LRMDA: variants seen among roughly 807,000 people sequenced by gnomAD.
LRMDA encodes the protein leucine-rich melanocyte differentiation-associated protein.
Under a neutral mutation model 29.8 loss-of-function variants are expected in LRMDA, and 18 were observed. That is an observed-to-expected ratio of 0.60 (90% confidence interval 0.42 to 0.90). The LOEUF (loss-of-function observed/expected upper bound fraction) is 0.90. Ranked by LOEUF, LRMDA falls within the 40% of genes least tolerant of loss-of-function variation. The probability of loss-of-function intolerance (pLI) is 0.00; values close to 1 mark genes in which losing one functional copy is unlikely to be tolerated. For synonymous variants in LRMDA, 125 were observed against 109.4 expected, an observed-to-expected ratio of 1.14 and a Z score of -0.89; for missense variants, 273 against 273.9, an observed-to-expected ratio of 1.00 and a Z score of 0.02.
intron 5 of LRMDA, among the ~76,000 whole-genome samples, chr10:76,261,335 G>C (rs1839940641): frequency 6.6e-6 from 1 of 151,920 alleles, no homozygotes; most frequent in South Asian, 2.1e-4. Flanking sequence ...GCCTCCCAAA[G>C]TGCTGGGATT....
chr10:76,322,997 A>C (rs1011463075), intron 5 of LRMDA, among the ~76,000 whole-genome samples: 3 of 152,048 alleles, frequency 2.0e-5, no homozygotes, highest in African/African-American at 2.4e-5. Flanking sequence ...TGGGCTCTAC[A>C]TTCTTGCAGT....
chr10:75,989,461 A>G (rs1847320835), intron 2 of LRMDA, among the ~76,000 whole-genome samples: 1 of 152,182 alleles, frequency 6.6e-6, no homozygotes, highest in Non-Finnish European at 1.5e-5. Context: ...ATTATCAACC[A>G]CAGCTCCAAA....
chr10:75,808,562 T>G (rs936701350), intron 2 of LRMDA, among the ~76,000 whole-genome samples: 1 of 152,162 alleles, frequency 6.6e-6, no homozygotes, highest in Non-Finnish European at 1.5e-5. Context: ...CAGGCTGGAG[T>G]GCAGTGGCGT....
At chr10:75,591,830 G>C in intron 2 of LRMDA, among the ~76,000 whole-genome samples, 1 of 152,182 alleles carries the variant, frequency 6.6e-6, no homozygotes, top group East Asian at 1.9e-4. Flanking sequence ...GAGTACAACA[G>C]AATCTTTGCT....
At chr10:76,535,581 T>C (rs139256449) in intron 6 of LRMDA, among the ~76,000 whole-genome samples, 1 of 152,246 alleles carries the variant, frequency 6.6e-6, no homozygotes, top group Non-Finnish European at 1.5e-5. Flanking sequence ...TAAAAGTTCA[T>C]ATGCCAAGAA....
rs181167378 is a variant in LRMDA at position 76,499,418 on chromosome 10, G to A, written c.602-57791G>A. ...GTTCATCATATTATAGCCCATGTCA[G>A]TACTTCAGTTCTTTTTAGAGATGAA... On this transcript the variant is annotated intron_variant, in intron 6 of 6. Coordinates refer to ENST00000611255, the MANE Select transcript of LRMDA (RefSeq NM_001305581.2). Among the ~76,000 whole-genome samples the A allele has an allele frequency of 4.0e-5, 3 of 75,570 alleles. 1 individual carries two copies. The East Asian group carries it at 7.5e-4, about 19-fold the overall frequency. The allele number at this position is 75,570 out of a possible 152,430, so 49.6% of individuals were successfully genotyped here. A position where few individuals can be genotyped will look rare whatever the true frequency, so the allele number is the denominator to read the frequency against.
At chr10:76,427,365 A>G (rs973351770) in intron 6 of LRMDA, among the ~76,000 whole-genome samples, 1 of 152,026 alleles carries the variant, frequency 6.6e-6, no homozygotes, top group African/African-American at 2.4e-5. Context: ...CTTTGAAGCA[A>G]TTGTGAATGG....
At chr10:75,683,883 G>A (rs548197738) in intron 2 of LRMDA, among the ~76,000 whole-genome samples, 163 of 152,332 alleles carry the variant, frequency 1.1e-3, no homozygotes, top group Non-Finnish European at 1.8e-3. Flanking sequence ...ACCTCACAGA[G>A]CTGCCTCTGA....
intron 5 of LRMDA, among the ~76,000 whole-genome samples, chr10:76,206,403 G>A (rs1298953909): frequency 6.6e-6 from 1 of 152,124 alleles, no homozygotes; most frequent in East Asian, 1.9e-4. Context: ...TGTACCTTCT[G>A]TTTACTTATG....
intron 2 of LRMDA, among the ~76,000 whole-genome samples, chr10:75,562,562 A>T (rs1191163578): frequency 3.3e-5 from 5 of 151,920 alleles, no homozygotes; most frequent in South Asian, 2.1e-4. Flanking sequence ...GTGAATTTGA[A>T]CCTGTCATTA....
intron 6 of LRMDA, chr10:76,437,291 A>G (rs1443520003): frequency 1.3e-5 from 2 of 152,184 alleles, no homozygotes; most frequent in Non-Finnish European, 2.9e-5. Context: ...AAGTTAGAGA[A>G]TTTTAGAGCC....
chr10:75,543,656 A>T (rs1840045724), intron 2 of LRMDA, among the ~76,000 whole-genome samples: 1 of 152,244 alleles, frequency 6.6e-6, no homozygotes. Context: ...ATTCTGAAAT[A>T]AGATAGATAT....
At chr10:76,129,767 C>T (rs1038295231) in intron 5 of LRMDA, among the ~76,000 whole-genome samples, 9 of 152,152 alleles carry the variant, frequency 5.9e-5, no homozygotes, top group African/African-American at 1.9e-4. Flanking sequence ...TACCTACACA[C>T]ACACCCCTTC....
chr10:76,118,633 T>C (rs1849706906), intron 5 of LRMDA, among the ~76,000 whole-genome samples: 2 of 152,128 alleles, frequency 1.3e-5, no homozygotes, highest in East Asian at 3.9e-4. Context: ...CATTCATTTA[T>C]CTTGGAGGAG....
At chr10:75,935,845 T>C (rs532933682) in intron 2 of LRMDA, among the ~76,000 whole-genome samples, 2 of 152,136 alleles carry the variant, frequency 1.3e-5, no homozygotes, top group South Asian at 2.1e-4. Flanking sequence ...TCCCAGAGGT[T>C]TGGAAAATCA....
At chr10:75,826,636 T>G (rs936822780) in intron 2 of LRMDA, among the ~76,000 whole-genome samples, 17 of 152,230 alleles carry the variant, frequency 1.1e-4, no homozygotes, top group African/African-American at 4.1e-4. Context: ...GGCAGATTAA[T>G]GCACTTTGGG....
intron 2 of LRMDA, among the ~76,000 whole-genome samples, chr10:75,597,435 G>A (rs7895309): frequency 0.75 from 114,036 of 152,032 alleles, 42,889 homozygotes; most frequent in East Asian, 0.85. Flanking sequence ...TGCTTTGTTA[G>A]CTGGACTGGC....
rs1295896893 is a variant in LRMDA, at chr10:75,691,512, G to A, written c.131+253018G>A. 2.6e-5 allele frequency among the ~76,000 whole-genome samples: 4 copies of A among 152,206 alleles called. No individual in the cohort carries two copies. The East Asian group carries it at 5.8e-4, about 22-fold the overall frequency. ...AGAGGCAGCCTACCTTGTTCCCACT[G>A]CTCTGTGCCCACAGCACAAAAGGCA... On this transcript the variant is annotated intron_variant, in intron 2 of 6. Coordinates refer to ENST00000611255, the MANE Select transcript of LRMDA (RefSeq NM_001305581.2).
chr10:76,110,245 G>A (rs1247054185), intron 5 of LRMDA, among the ~76,000 whole-genome samples: 1 of 152,096 alleles, frequency 6.6e-6, no homozygotes, highest in African/African-American at 2.4e-5. Flanking sequence ...CATTCTACCT[G>A]CCACACTGCC....
Sources: gnomAD v4.1 joint callset for allele counts (sites outside exome capture counted in the v4.1 genomes callset) on GRCh38, gnomAD v4.1.1 for gene constraint, MANE v1.5 for transcripts, NCBI Gene and HGNC (gene_info 2026-07-23, HGNC 2026-07-21) for gene names.